GLRA2: variants seen among roughly 807,000 people sequenced by gnomAD.
The protein encoded by GLRA2 is glycine receptor alpha 2.
Under a neutral mutation model 31.6 loss-of-function variants are expected in GLRA2, and 11 were observed. The ratio of observed to expected loss-of-function variants is 0.35; its 90% CI spans 0.22 to 0.58. GLRA2 has a LOEUF of 0.58. GLRA2 is among the 20% of genes least tolerant of loss of function. The pLI is 0.84. For missense variants in GLRA2, 212 were observed against 351.8 expected (o/e 0.60, Z 3.18); for synonymous variants, 132 against 134.0 (o/e 0.99, Z 0.10).
At chrX:14,694,042 C>T (rs1162933194) in intron 8 of GLRA2, among the ~76,000 whole-genome samples, 1 of 109,408 alleles carries the variant, frequency 9.1e-6, no homozygotes. Flanking sequence ...ATATTAAATC[C>T]AAAGAGTGTA....
intron 7 of GLRA2, among the ~76,000 whole-genome samples, chrX:14,620,409 A>G (rs1162006994): frequency 9.1e-6 from 1 of 110,242 alleles, no homozygotes; most frequent in Non-Finnish European, 1.9e-5. Context: ...CTCTGGACCA[A>G]AGGTACAGCC....
At chrX:14,598,874 A>C (rs781086945) in intron 4 of GLRA2, among the ~76,000 whole-genome samples, 2 of 112,496 alleles carry the variant, frequency 1.8e-5, no homozygotes, top group East Asian at 5.6e-4. Flanking sequence ...AAAAAATATA[A>C]AAATTACAAT....
At chrX:14,719,148 G>T (rs2091831411) in intron 8 of GLRA2, among the ~76,000 whole-genome samples, 1 of 111,694 alleles carries the variant, frequency 9.0e-6, no homozygotes, top group African/African-American at 3.3e-5. Context: ...ATAGAAAGCT[G>T]TTTTTTGTTA....
chrX:14,599,237 A>G (rs2090240999), intron 4 of GLRA2, among the ~76,000 whole-genome samples: 1 of 112,536 alleles, frequency 8.9e-6, no homozygotes, highest in South Asian at 3.6e-4. Context: ...TCAGGAAATG[A>G]GTTATTTAAC....
At chrX:14,461,445 G>T in the GLRA2 span, among the ~76,000 whole-genome samples, 1 of 111,565 alleles carries the variant, frequency 9.0e-6, no homozygotes, top group East Asian at 2.8e-4. Flanking sequence ...ATTGATAGTG[G>T]AGTATTATAG....
chrX:14,600,409 T>C (rs2090255635), intron 4 of GLRA2, among the ~76,000 whole-genome samples: 1 of 111,715 alleles, frequency 9.0e-6, no homozygotes, highest in Non-Finnish European at 1.9e-5. Context: ...TTATTATTTT[T>C]AATTTCTTTA....
upstream of GLRA2, among the ~76,000 whole-genome samples, chrX:14,527,897 G>C (rs2146994554): frequency 8.9e-6 from 1 of 112,102 alleles, no homozygotes; most frequent in Non-Finnish European, 1.9e-5. Flanking sequence ...ATTTGAAGCT[G>C]CAGTCCAGGG....
At chrX:14,688,749 C>T (rs1339517256) in intron 7 of GLRA2, among the ~76,000 whole-genome samples, 2 of 110,311 alleles carry the variant, frequency 1.8e-5, no homozygotes, top group African/African-American at 3.3e-5. Flanking sequence ...TTGCGCTTCC[C>T]GGGTGAGGCA....
At chrX:14,675,330 G>GT (rs1601820776) in intron 7 of GLRA2, among the ~76,000 whole-genome samples, 1 of 111,714 alleles carries the variant, frequency 9.0e-6, no homozygotes, top group Non-Finnish European at 1.9e-5. Context: ...CACACGGATA[G>GT]TAAGTTTTGG....
chrX:14,552,747 T>A (rs181452407), intron 2 of GLRA2, among the ~76,000 whole-genome samples: 111 of 112,077 alleles, frequency 9.9e-4, no homozygotes, highest in Middle Eastern at 4.6e-3. Flanking sequence ...TGCCTGAGGG[T>A]AGGAGAATGA....
chrX:14,678,657 AC>A (rs2091168861), intron 7 of GLRA2, among the ~76,000 whole-genome samples: 1 of 111,982 alleles, frequency 8.9e-6, no homozygotes, highest in African/African-American at 3.2e-5. Flanking sequence ...GCAAATACTA[AC>A]TAGCTATTTT....
At chrX:14,459,716 T>C in the GLRA2 span, among the ~76,000 whole-genome samples, 1 of 111,987 alleles carries the variant, frequency 8.9e-6, no homozygotes, top group Admixed American at 9.5e-5. Context: ...TTTTTGCACA[T>C]TGATTTTGTA....
intron 2 of GLRA2, among the ~76,000 whole-genome samples, chrX:14,540,451 C>A: frequency 9.0e-6 from 1 of 111,322 alleles, no homozygotes; most frequent in Middle Eastern, 4.6e-3. Context: ...CCTGTGGAAG[C>A]CTTTCATTAG....
intron 2 of GLRA2, among the ~76,000 whole-genome samples, chrX:14,570,509 G>C (rs1019112545): frequency 1.8e-5 from 2 of 111,792 alleles, no homozygotes; most frequent in African/African-American, 6.5e-5. Flanking sequence ...AGTCCCCCTT[G>C]TTAAAGTGCA....
chrX:14,562,884 A>T (rs983630190), intron 2 of GLRA2, among the ~76,000 whole-genome samples: 1 of 111,947 alleles, frequency 8.9e-6, no homozygotes, highest in African/African-American at 3.2e-5. Flanking sequence ...GGGGGACACA[A>T]TTCAGCCTAT....
intron 7 of GLRA2, among the ~76,000 whole-genome samples, chrX:14,621,446 G>A (rs1186000613): frequency 9.0e-6 from 1 of 110,704 alleles, no homozygotes; most frequent in Non-Finnish European, 1.9e-5. Context: ...CATGTGCCAT[G>A]TTGGTGTGCT....
intron 7 of GLRA2, among the ~76,000 whole-genome samples, chrX:14,639,381 T>C (rs915427868): frequency 1.8e-5 from 2 of 111,871 alleles, no homozygotes; most frequent in African/African-American, 6.5e-5. Flanking sequence ...ATTTGTTGAA[T>C]GAATAACTAG....
intron 2 of GLRA2, among the ~76,000 whole-genome samples, chrX:14,573,645 TA>T (rs1399320932): frequency 9.1e-6 from 1 of 109,366 alleles, no homozygotes; most frequent in Non-Finnish European, 1.9e-5. Context: ...TCTCTGGAGA[TA>T]ACAATGGACT....
At chrX:14,557,565 T>C (rs968502174) in intron 2 of GLRA2, among the ~76,000 whole-genome samples, 5 of 112,598 alleles carry the variant, frequency 4.4e-5, no homozygotes, top group Admixed American at 2.8e-4. Flanking sequence ...GAAGCTCATT[T>C]CATTATTACA....
Sources: gnomAD v4.1 joint callset for allele counts (sites outside exome capture counted in the v4.1 genomes callset) on GRCh38, gnomAD v4.1.1 for gene constraint, MANE v1.5 for transcripts, NCBI Gene and HGNC (gene_info 2026-07-23, HGNC 2026-07-21) for gene names.